The following PCDH9 variants were observed in gnomAD, a reference collection of about 807,000 sequenced individuals.
The protein encoded by PCDH9 is protocadherin-9.
A neutral mutation model predicts 70.6 loss-of-function variants in PCDH9; 24 were observed. The observed-to-expected ratio is 0.34, with a 90% CI of 0.25 to 0.48. The LOEUF (loss-of-function observed/expected upper bound fraction) is 0.48, where lower values mean the gene tolerates loss of function less well. Among genes scored for constraint, PCDH9 ranks in the 20% least tolerant of loss-of-function variants. The pLI is 0.99. For missense variants in PCDH9, 1,281 were observed against 1,503.6 expected (o/e 0.85, Z 2.45); for synonymous variants, 562 against 558.5 (o/e 1.01, Z -0.09).
chr13:66,903,684 G>A (rs2082313748), intron 2 of PCDH9, 79 bp from the exon 3 acceptor site: 2 of 623,694 alleles, frequency 3.2e-6, no homozygotes, highest in Non-Finnish European at 2.9e-6. Flanking sequence ...TGTTTGCTAT[G>A]AGCCTAATAA....
At chr13:66,700,582 CAGA>C (rs2078625238) in intron 3 of PCDH9, among the ~76,000 whole-genome samples, 1 of 151,938 alleles carries the variant, frequency 6.6e-6, no homozygotes, top group African/African-American at 2.4e-5. Flanking sequence ...GGAAAAATAA[CAGA>C]AGAACATTGG....
intron 3 of PCDH9, among the ~76,000 whole-genome samples, chr13:66,898,281 A>G (rs1451948896): frequency 6.6e-6 from 1 of 152,074 alleles, no homozygotes; most frequent in Non-Finnish European, 1.5e-5. Flanking sequence ...TGTAAATAAC[A>G]TATATGTGTG....
At chr13:66,429,737 G>A (rs1957737833) in intron 4 of PCDH9, among the ~76,000 whole-genome samples, 1 of 151,940 alleles carries the variant, frequency 6.6e-6, no homozygotes, top group Admixed American at 6.6e-5. Context: ...ACTTTTTCTG[G>A]TTATTTTAAA....
intron 3 of PCDH9, among the ~76,000 whole-genome samples, chr13:66,794,090 G>T (rs1017363632): frequency 6.6e-6 from 1 of 151,978 alleles, no homozygotes; most frequent in Admixed American, 6.6e-5. Flanking sequence ...ATTCTATGAA[G>T]GAATAATTCT....
At chr13:66,382,842 C>T (rs545501499) in intron 4 of PCDH9, among the ~76,000 whole-genome samples, 1 of 152,148 alleles carries the variant, frequency 6.6e-6, no homozygotes, top group Admixed American at 6.5e-5. Context: ...ACTAGCCTGG[C>T]CAACATGGTG....
chr13:66,500,869 T>C (rs1253123513), intron 4 of PCDH9, among the ~76,000 whole-genome samples: 1 of 152,102 alleles, frequency 6.6e-6, no homozygotes, highest in African/African-American at 2.4e-5. Flanking sequence ...ACACTCTCCG[T>C]ATGTCAGGGC....
chr13:66,592,332 G>A (rs1345178447), intron 4 of PCDH9, among the ~76,000 whole-genome samples: 3 of 151,560 alleles, frequency 2.0e-5, no homozygotes, highest in African/African-American at 7.3e-5. Flanking sequence ...CAATGATGGG[G>A]GGAAGAAAGG....
chr13:66,832,017 T>C (rs1204386027), intron 3 of PCDH9, among the ~76,000 whole-genome samples: 2 of 152,154 alleles, frequency 1.3e-5, no homozygotes, highest in East Asian at 3.9e-4. Flanking sequence ...TGTGTGCCTG[T>C]ATTGGGTACA....
intron 2 of PCDH9, among the ~76,000 whole-genome samples, chr13:67,019,019 C>T (rs1224470972): frequency 3.3e-5 from 5 of 152,002 alleles, no homozygotes; most frequent in Non-Finnish European, 1.5e-5. Context: ...AATTGCAGGT[C>T]CTTGAACAGC....
intron 2 of PCDH9, chr13:67,217,493 TAGTC>T (rs905924397): frequency 6.6e-6 from 1 of 152,102 alleles, no homozygotes; most frequent in African/African-American, 2.4e-5. Flanking sequence ...CTAACAGGGC[TAGTC>T]AAAGACATTA....
chr13:66,783,575 T>A (rs992325822), intron 3 of PCDH9, among the ~76,000 whole-genome samples: 1 of 152,158 alleles, frequency 6.6e-6, no homozygotes, highest in Non-Finnish European at 1.5e-5. Context: ...AAACTGATGT[T>A]TATAAAAAAT....
intron 2 of PCDH9, among the ~76,000 whole-genome samples, chr13:67,135,852 T>TA (rs894157929): frequency 2.6e-5 from 4 of 152,072 alleles, no homozygotes; most frequent in African/African-American, 9.7e-5. Flanking sequence ...GTGGGAGAAT[T>TA]AGAGACCTGG....
rs939177191 is a variant in PCDH9, at chr13:66,871,308, C to T, written c.3138+32196G>A. Among the ~76,000 whole-genome samples, 135 of 151,532 alleles carry T rather than the reference C, an allele frequency of 8.9e-4. 1 individual carries two copies. The Middle Eastern group carries it at 0.01, about 12-fold the overall frequency. The stretch of plus-strand genomic sequence containing the variant: ...ATGCTAAATGACAAGTTAATGGGTG[C>T]AGCACACCAGCATGGCACATGTATA... On this transcript the variant is annotated intron_variant, in intron 3 of 4. Transcript: ENST00000377865.
chr13:66,995,345 G>A (rs1418142625), intron 2 of PCDH9, among the ~76,000 whole-genome samples: 4 of 152,140 alleles, frequency 2.6e-5, no homozygotes, highest in Admixed American at 6.5e-5. Flanking sequence ...CACCACGGGC[G>A]AAGTGAGGTT....
At chr13:67,122,034 T>C (rs1267800612) in intron 2 of PCDH9, among the ~76,000 whole-genome samples, 2 of 152,188 alleles carry the variant, frequency 1.3e-5, no homozygotes, top group Non-Finnish European at 2.9e-5. Flanking sequence ...TTGAGATGTT[T>C]TCTTTGTTCT....
At chr13:66,698,895 C>CTTTT (rs67333897) in intron 3 of PCDH9, among the ~76,000 whole-genome samples, 78 of 61,098 alleles carry the variant, frequency 1.3e-3, no homozygotes, top group South Asian at 1.6e-3. Context: ...CTCAATTCCT[C>CTTTT]TTTTTTTTTT....
chr13:66,567,659 C>T (rs1041985330), intron 4 of PCDH9, among the ~76,000 whole-genome samples: 5 of 152,142 alleles, frequency 3.3e-5, no homozygotes, highest in African/African-American at 1.2e-4. Flanking sequence ...TAGTGAAACA[C>T]AGCTTACCAC....
At chr13:66,905,441 C>G (rs558900481) in intron 2 of PCDH9, among the ~76,000 whole-genome samples, 1 of 152,112 alleles carries the variant, frequency 6.6e-6, no homozygotes, top group Non-Finnish European at 1.5e-5. Flanking sequence ...ATGACTGAGT[C>G]CCACCTCACA....
chr13:66,354,745 A>G (rs1274338425), intron 4 of PCDH9, among the ~76,000 whole-genome samples: 1 of 152,108 alleles, frequency 6.6e-6, no homozygotes, highest in Non-Finnish European at 1.5e-5. Context: ...TCTTTTCACC[A>G]ACGTTAGAGC....
Sources: gnomAD v4.1 joint callset for allele counts (sites outside exome capture counted in the v4.1 genomes callset) on GRCh38, gnomAD v4.1.1 for gene constraint, MANE v1.5 for transcripts, NCBI Gene and HGNC (gene_info 2026-07-23, HGNC 2026-07-21) for gene names.